The following REPS2 variants were observed in gnomAD, a reference collection of about 807,000 sequenced individuals.
The protein encoded by REPS2 is RALBP1 associated Eps domain containing 2, also known as ralBP1-associated Eps domain-containing protein 2.
In REPS2, 23 loss-of-function variants were observed where a neutral mutation model predicts 53.6. That is an observed-to-expected ratio of 0.43 (90% CI 0.31 to 0.61). The LOEUF is 0.61. REPS2 is among the 20% of genes least tolerant of loss of function. The pLI, the probability that REPS2 is intolerant of heterozygous loss-of-function variation, is 0.11. For synonymous variants in REPS2, 238 were observed against 218.6 expected (o/e 1.09, Z -0.78); for missense variants, 446 against 534.9 (o/e 0.83, Z 1.64).
At chrX:17,187,120 C>T in the REPS2 span, among the ~76,000 whole-genome samples, 14 of 111,608 alleles carry the variant, frequency 1.3e-4, no homozygotes, top group Admixed American at 2.8e-4. Flanking sequence ...TGGCTTTTTC[C>T]GAAAAACCTT....
chrX:17,110,812 G>A (rs200886094), intron 14 of REPS2, among the ~76,000 whole-genome samples: 1 of 111,231 alleles, frequency 9.0e-6, no homozygotes, highest in Non-Finnish European at 1.9e-5. Flanking sequence ...TCAGGAGTTC[G>A]AGACCAGCCT....
intron 9 of REPS2, among the ~76,000 whole-genome samples, chrX:17,063,657 A>AT (rs1278651526): frequency 2.9e-4 from 32 of 109,746 alleles, no homozygotes; most frequent in Non-Finnish European, 4.2e-4. Context: ...TTTGGTTAAA[A>AT]TTTTTTTTTT....
chrX:16,991,798 C>T (rs2061167286), intron 1 of REPS2, among the ~76,000 whole-genome samples: 1 of 110,458 alleles, frequency 9.1e-6, no homozygotes, highest in Non-Finnish European at 1.9e-5. Context: ...CAGTGGGAAC[C>T]CCCTATGAAG....
At chrX:16,953,146 A>ACACAC (rs2060543865) in intron 1 of REPS2, among the ~76,000 whole-genome samples, 1 of 91,400 alleles carries the variant, frequency 1.1e-5, no homozygotes, top group African/African-American at 4.2e-5. Context: ...CACACACACA[A>ACACAC]ACACACAAAC....
intron 13 of REPS2, among the ~76,000 whole-genome samples, chrX:17,089,613 T>C (rs2062588840): frequency 8.9e-6 from 1 of 112,253 alleles, no homozygotes; most frequent in Admixed American, 9.5e-5. Flanking sequence ...GAATATTTCA[T>C]ATAACCGAAT....
chrX:17,103,802 G>A, intron 14 of REPS2, 23 bp downstream of exon 14: 2 of 1,188,192 alleles, frequency 1.7e-6, no homozygotes, highest in Non-Finnish European at 1.1e-6. Flanking sequence ...TTTGATTTAT[G>A]TAAACTGTTC....
At chrX:17,020,893 A>G (rs1476513034) in intron 2 of REPS2, among the ~76,000 whole-genome samples, 5 of 111,692 alleles carry the variant, frequency 4.5e-5, no homozygotes, top group Non-Finnish European at 9.4e-5. Flanking sequence ...CGCCTCCCAA[A>G]GTGCTGGAAT....
intron 1 of REPS2, among the ~76,000 whole-genome samples, chrX:16,993,509 A>G (rs1300453142): frequency 9.0e-6 from 1 of 111,090 alleles, no homozygotes; most frequent in Non-Finnish European, 1.9e-5. Context: ...GCCACCTTGT[A>G]AAAAAAGCCC....
At chrX:17,133,779 A>G in intron 14 of REPS2, 45 bp from the exon 15 acceptor site, 1 of 1,049,478 alleles carries the variant, frequency 9.5e-7, no homozygotes, top group Non-Finnish European at 1.3e-6. Context: ...TATTTAGGTG[A>G]TTGTGGTTTT....
chrX:17,068,554 G>A, intron 10 of REPS2, 83 bp downstream of exon 10: 1 of 720,602 alleles, frequency 1.4e-6, no homozygotes, highest in East Asian at 3.5e-5. Context: ...GGCTTCTAGA[G>A]CATATGAGGG....
At chrX:16,964,651 A>T (rs72616031) in intron 1 of REPS2, among the ~76,000 whole-genome samples, 1 of 64,138 alleles carries the variant, frequency 1.6e-5, no homozygotes, top group Non-Finnish European at 3.0e-5. Context: ...GGCTGGCCGG[A>T]CGGGGGGCTG....
intron 14 of REPS2, among the ~76,000 whole-genome samples, chrX:17,120,154 C>T (rs2063123555): frequency 8.9e-6 from 1 of 111,761 alleles, no homozygotes; most frequent in Non-Finnish European, 1.9e-5. Context: ...GGATTACAGG[C>T]GTGAGCCACT....
chrX:17,182,448 G>T, the REPS2 span, among the ~76,000 whole-genome samples: 2 of 111,931 alleles, frequency 1.8e-5, no homozygotes, highest in East Asian at 5.6e-4. Context: ...TACCATGATA[G>T]TTTCAGACAT....
At chrX:16,954,340 C>T (rs1053510992) in intron 1 of REPS2, among the ~76,000 whole-genome samples, 2 of 112,095 alleles carry the variant, frequency 1.8e-5, no homozygotes, top group African/African-American at 3.2e-5. Context: ...GCACTTGCCA[C>T]TCAGGCCCAA....
At chrX:17,069,906 C>G in intron 10 of REPS2, 34 bp from the exon 11 acceptor site, 1 of 951,049 alleles carries the variant, frequency 1.1e-6, no homozygotes, top group South Asian at 2.9e-5. Context: ...CCTCTTTTCT[C>G]TTTCTTTTTG....
At chrX:17,079,570 C>G (rs1218482078) in intron 13 of REPS2, among the ~76,000 whole-genome samples, 1 of 112,212 alleles carries the variant, frequency 8.9e-6, no homozygotes, top group Non-Finnish European at 1.9e-5. Flanking sequence ...TCTTTGATAT[C>G]TCTGTGTCAA....
In REPS2 at chrX:17,025,154, A is replaced by G. The variant is rs376887713; in HGVS notation, c.642A>G (p.Lys214=). The G allele has an allele frequency of 7.4e-6, 9 of 1,209,956 alleles. No individual in the cohort carries two copies. The highest frequency in any genetic ancestry group is 1.0e-5 in the Non-Finnish European group (9 of 895,196). Residue 214 remains lysine, a synonymous_variant, in exon 4 of 18, where the codon AAA becomes AAG. Coordinates refer to ENST00000357277, the MANE Select transcript of REPS2 (RefSeq NM_004726.3). ...TGCCCTTGAGCCATGGCTACAGCAA[A>G]CTGCGGAGCAGCGCAGAACAGATGC... ...QRVPLSHGYS[K]LRSSAEQMHP...
the REPS2 span, among the ~76,000 whole-genome samples, chrX:17,175,157 C>T: frequency 8.9e-6 from 1 of 112,600 alleles, no homozygotes; most frequent in African/African-American, 3.2e-5. Context: ...GGAGAAGGTA[C>T]TTGTGTGTGC....
intron 14 of REPS2, among the ~76,000 whole-genome samples, chrX:17,115,707 T>C (rs939985558): frequency 8.9e-6 from 1 of 112,299 alleles, no homozygotes; most frequent in African/African-American, 3.2e-5. Flanking sequence ...CCCTGGGTAC[T>C]TGAGATTAGG....
Sources: allele counts gnomAD v4.1 joint callset (sites outside exome capture counted in the v4.1 genomes callset), GRCh38; gene constraint gnomAD v4.1.1; transcripts MANE v1.5; gene names NCBI Gene and HGNC (gene_info 2026-07-23, HGNC 2026-07-21).